CFTR: variants seen among roughly 807,000 people sequenced by gnomAD.
CFTR encodes CF transmembrane conductance regulator.
CFTR carries 181 observed loss-of-function variants against 171.6 expected under a neutral mutation model. The observed-to-expected ratio is 1.05, with a 90% confidence interval of 0.93 to 1.19. The LOEUF is 1.19. Ranked by LOEUF, CFTR falls within the 50% of genes most tolerant of loss-of-function variation. The pLI is 0.00. For synonymous variants in CFTR, 583 were observed against 608.0 expected, an observed-to-expected ratio of 0.96 and a Z score of 0.60; for missense variants, 1,968 against 1,734.7, an observed-to-expected ratio of 1.13 and a Z score of -2.39.
At chr7:117,552,532 A>T (rs1015157765) in intron 10 of CFTR, among the ~76,000 whole-genome samples, 4 of 152,104 alleles carry the variant, frequency 2.6e-5, no homozygotes, top group African/African-American at 9.7e-5. Context: ...ATTTCAGGTG[A>T]TATTATTTAT....
intron 11 of CFTR, among the ~76,000 whole-genome samples, chr7:117,560,148 C>G (rs1799438365): frequency 6.6e-6 from 1 of 152,084 alleles, no homozygotes; most frequent in East Asian, 1.9e-4. Flanking sequence ...ATATTGTATC[C>G]CTGGCTTTGA....
At chr7:117,558,063 AT>A (rs1018771876) in intron 10 of CFTR, among the ~76,000 whole-genome samples, 14 of 150,350 alleles carry the variant, frequency 9.3e-5, no homozygotes, top group Non-Finnish European at 1.3e-4. Context: ...CCTCCTTTTG[AT>A]TTTTTTTTAC....
intron 4 of CFTR, among the ~76,000 whole-genome samples, chr7:117,531,830 A>G (rs1798871013): frequency 6.6e-6 from 1 of 152,164 alleles, no homozygotes; most frequent in Admixed American, 6.6e-5. Context: ...TTGGATCTGC[A>G]AAGTCATTAT....
chr7:117,634,116 T>C (rs1331397260), intron 22 of CFTR, among the ~76,000 whole-genome samples: 1 of 152,168 alleles, frequency 6.6e-6, no homozygotes, highest in Non-Finnish European at 1.5e-5. Context: ...TGAACCCATC[T>C]GGACCTGGTG....
In CFTR at chr7:117,555,510, G is replaced by C. The variant is rs1360953581; in HGVS notation, c.1393-3954G>C. On this transcript the variant is annotated intron_variant, in intron 10 of 26. Transcript: ENST00000003084. ...TCTCTCCAGTAAATTGCATATTGCA[G>C]TAAAAAGTGATCTCTAGTGGTTCTC... 3.9e-5 allele frequency among the ~76,000 whole-genome samples: 6 copies of C among 152,166 alleles called. 1 individual carries two copies. The highest frequency in any genetic ancestry group is 1.5e-5 in the Non-Finnish European group (1 of 68,038).
intron 3 of CFTR, among the ~76,000 whole-genome samples, chr7:117,513,020 A>C (rs187567373): frequency 2.0e-5 from 3 of 152,316 alleles, no homozygotes; most frequent in Non-Finnish European, 2.9e-5. Flanking sequence ...TGTTTGGATG[A>C]AAACATTGGG....
chr7:117,625,607 T>C (rs1163261493), intron 21 of CFTR, among the ~76,000 whole-genome samples: 1 of 152,206 alleles, frequency 6.6e-6, no homozygotes, highest in Non-Finnish European at 1.5e-5. Context: ...TAATAAAATA[T>C]AAGTTTAGAA....
intron 8 of CFTR, 111 bp from the exon 9 acceptor site, chr7:117,541,905 T>G: frequency 2.2e-6 from 1 of 463,866 alleles, no homozygotes; most frequent in South Asian, 4.4e-5. Flanking sequence ...TACTATTTCA[T>G]TATTAAAATT....
rs1325095190 is a variant in CFTR, at chr7:117,642,438, G to T, written c.3718G>T (p.Val1240Leu). Residue 1240 changes from valine to leucine, a missense_variant and splice_region_variant, in exon 23 of 27, where the codon GTG becomes TTG. By Grantham distance (32) the Val-to-Leu change is conservative. Transcript: ENST00000003084. ...TGATCCCATCACTTTTACCTTATAG[G>T]TGGGCCTCTTGGGAAGAACTGGATC... ...ISFSISPGQR[V>L]GLLGRTGSGK... The T allele has an allele frequency of 2.5e-6, 4 of 1,613,206 alleles. No individual in the cohort carries two copies. Among genetic ancestry groups the T allele is most frequent in the Admixed American group, 1.7e-5 (1 of 59,956 alleles).
chr7:117,508,235 A>G (rs1584776016), intron 2 of CFTR, among the ~76,000 whole-genome samples: 2 of 152,348 alleles, frequency 1.3e-5, no homozygotes, highest in South Asian at 4.1e-4. Context: ...GAAAATTAAG[A>G]TGATAATATT....
At chr7:117,631,384 C>T (rs537109788) in intron 22 of CFTR, among the ~76,000 whole-genome samples, 1 of 152,232 alleles carries the variant, frequency 6.6e-6, no homozygotes, top group East Asian at 1.9e-4. Context: ...AACCATACCC[C>T]AGTTTCTATT....
At chr7:117,560,646 T>C (rs1799449220) in intron 11 of CFTR, 1 of 147,264 alleles carries the variant, frequency 6.8e-6, no homozygotes, top group Admixed American at 6.8e-5. Flanking sequence ...CATTCAACAG[T>C]TTTTTTTTTA....
chr7:117,529,484 T>A, intron 3 of CFTR, among the ~76,000 whole-genome samples: 1 of 127,862 alleles, frequency 7.8e-6, no homozygotes, highest in Non-Finnish European at 1.6e-5. Context: ...ACCTGCACAA[T>A]GTGCACATGT....
chr7:117,543,129 A>T (rs1259047869), intron 9 of CFTR, among the ~76,000 whole-genome samples: 2 of 152,176 alleles, frequency 1.3e-5, no homozygotes, highest in Non-Finnish European at 2.9e-5. Flanking sequence ...TCTCACTTAC[A>T]TGGGTTGTGT....
intron 11 of CFTR, among the ~76,000 whole-genome samples, chr7:117,562,996 T>G (rs1316842339): frequency 1.3e-5 from 2 of 152,010 alleles, no homozygotes; most frequent in African/African-American, 4.8e-5. Flanking sequence ...GTCTCAGGAA[T>G]TTGGTTGTGG....
intron 1 of CFTR, among the ~76,000 whole-genome samples, chr7:117,480,702 A>G (rs1386286041): frequency 6.6e-6 from 1 of 152,196 alleles, no homozygotes; most frequent in African/African-American, 2.4e-5. Flanking sequence ...AATTGAAAGC[A>G]AATTTGTTGA....
chr7:117,664,712 C>G lies in CFTR; in HGVS notation c.3988C>G (p.Gln1330Glu), dbSNP rs375661578. The change falls in exon 25 of 27, where the codon CAG (glutamine) becomes GAG (glutamate). Residue 1330 changes from glutamine to glutamate, a missense_variant. Physicochemically the swap from Gln to Glu is conservative, Grantham distance 29. Coordinates refer to ENST00000003084, the MANE Select transcript of CFTR (RefSeq NM_000492.4). ...GGTTGGGCTCAGATCTGTGATAGAA[C>G]AGTTTCCTGGGAAGCTTGACTTTGT... ...DEVGLRSVIE[Q>E]FPGKLDFVLV... 1 of 1,613,820 alleles carries G rather than the reference C, an allele frequency of 6.2e-7. No individual in the cohort carries two copies. Among genetic ancestry groups the G allele is most frequent in the Non-Finnish European group, 8.5e-7 (1 of 1,179,888 alleles).
At chr7:117,601,943 T>A (rs879259529) in intron 15 of CFTR, among the ~76,000 whole-genome samples, 5 of 151,562 alleles carry the variant, frequency 3.3e-5, no homozygotes, top group African/African-American at 4.8e-5. Context: ...TTGAGAAAGC[T>A]ATAGAGATTC....
chr7:117,524,704 C>A (rs140916638), intron 3 of CFTR, among the ~76,000 whole-genome samples: 1 of 152,278 alleles, frequency 6.6e-6, no homozygotes, highest in African/African-American at 2.4e-5. Flanking sequence ...CAGGGCAGCA[C>A]TTTCACTGAT....
Sources: gnomAD v4.1 joint callset for allele counts (sites outside exome capture counted in the v4.1 genomes callset) on GRCh38, gnomAD v4.1.1 for gene constraint, MANE v1.5 for transcripts, NCBI Gene and HGNC (gene_info 2026-07-23, HGNC 2026-07-21) for gene names.